Variants in ZNF618 observed in about 807,000 individuals in gnomAD.
The protein encoded by ZNF618 is zinc finger protein 618, also known as neural precursor cell expressed, developmentally down-regulated 10.
In ZNF618, 34 loss-of-function variants were observed where a neutral mutation model predicts 103.0. The observed-to-expected ratio is 0.33, with a 90% confidence interval of 0.25 to 0.44. The LOEUF (loss-of-function observed/expected upper bound fraction) is 0.44, where lower values mean the gene tolerates loss of function less well. Ranked by LOEUF, ZNF618 falls within the 20% of genes least tolerant of loss-of-function variation. ZNF618 has a pLI of 1.00. For synonymous variants in ZNF618, 551 were observed against 542.2 expected, an observed-to-expected ratio of 1.02 and a Z score of -0.23; for missense variants, 1,059 against 1,295.4, an observed-to-expected ratio of 0.82 and a Z score of 2.80.
At chr9:113,955,585 T>C (rs1564213862) in intron 1 of ZNF618, among the ~76,000 whole-genome samples, 1 of 152,122 alleles carries the variant, frequency 6.6e-6, no homozygotes, top group Non-Finnish European at 1.5e-5. Flanking sequence ...TTATAGAGAT[T>C]GTGGTTGGCT....
intron 11 of ZNF618, among the ~76,000 whole-genome samples, chr9:114,031,429 G>A (rs1844022262): frequency 6.6e-6 from 1 of 152,198 alleles, no homozygotes; most frequent in Non-Finnish European, 1.5e-5. Context: ...AGGGGTCGGG[G>A]GGAGGTGGGA....
At chr9:113,899,489 T>G (rs545812119) in intron 1 of ZNF618, among the ~76,000 whole-genome samples, 7 of 152,324 alleles carry the variant, frequency 4.6e-5, no homozygotes, top group African/African-American at 1.7e-4. Flanking sequence ...CACCGTTAGA[T>G]TCTCATAGGA....
chr9:113,963,903 C>A (rs1017612316), intron 1 of ZNF618, among the ~76,000 whole-genome samples: 7 of 152,238 alleles, frequency 4.6e-5, no homozygotes, highest in South Asian at 2.1e-4. Flanking sequence ...CAGCCCCAGT[C>A]CCAGTCCCGT....
At chr9:113,982,615 T>C (rs984056457) in intron 2 of ZNF618, among the ~76,000 whole-genome samples, 1 of 152,128 alleles carries the variant, frequency 6.6e-6, no homozygotes, top group African/African-American at 2.4e-5. Context: ...TGTGGACATA[T>C]CTTTTAGGGG....
chr9:114,035,456 G>A (rs1042674384), intron 12 of ZNF618, among the ~76,000 whole-genome samples: 2 of 152,230 alleles, frequency 1.3e-5, no homozygotes, highest in Non-Finnish European at 2.9e-5. Flanking sequence ...AGCAGCCTTG[G>A]CTCTGCTGCC....
chr9:114,025,267 T>C (rs16911753), intron 10 of ZNF618, among the ~76,000 whole-genome samples: 14,112 of 152,336 alleles, frequency 0.093, 793 homozygotes, highest in African/African-American at 0.15. Context: ...TTGCCTCCAA[T>C]GCAGTTTCAT....
intron 2 of ZNF618, 85 bp from the exon 3 acceptor site, chr9:113,988,236 G>A: frequency 6.7e-7 from 1 of 1,490,788 alleles, no homozygotes; most frequent in Non-Finnish European, 8.9e-7. Flanking sequence ...ACACAGCCTG[G>A]CATGTCCCTG....
rs191251579 is a variant in ZNF618 at position 114,024,614 on chromosome 9, G to A, written c.845-4119G>A. Among the ~76,000 whole-genome samples the A allele has an allele frequency of 1.8e-3, 274 of 152,330 alleles. 2 individuals are homozygous for A. Among genetic ancestry groups the A allele is most frequent in the African/African-American group, 6.1e-3 (255 of 41,570 alleles). On this transcript the variant is annotated intron_variant, in intron 10 of 14. Transcript: ENST00000374126. ...CTTCTAAGGCATGGCCTTTCTGGCCGTTTCTTAGCTGAATGCCTGAAGTAT... is the reference window on the plus strand; with the variant it reads ...CTTCTAAGGCATGGCCTTTCTGGCCATTTCTTAGCTGAATGCCTGAAGTAT...
At chr9:113,982,701 T>G (rs1344046594) in intron 2 of ZNF618, among the ~76,000 whole-genome samples, 3 of 152,182 alleles carry the variant, frequency 2.0e-5, no homozygotes, top group Non-Finnish European at 4.4e-5. Flanking sequence ...GCTGTGTGTA[T>G]TGAAGATGGG....
At chr9:113,957,974 T>G (rs1836472373) in intron 1 of ZNF618, among the ~76,000 whole-genome samples, 1 of 152,112 alleles carries the variant, frequency 6.6e-6, no homozygotes, top group Non-Finnish European at 1.5e-5. Context: ...GAGTTTTCTG[T>G]AAAATCATAA....
intron 1 of ZNF618, among the ~76,000 whole-genome samples, chr9:113,887,344 C>G (rs1829171681): frequency 6.6e-6 from 1 of 152,168 alleles, no homozygotes; most frequent in Non-Finnish European, 1.5e-5. Flanking sequence ...TATCCCTCCC[C>G]TAAACATTAG....
chr9:113,939,671 T>C (rs1271743533), intron 1 of ZNF618, among the ~76,000 whole-genome samples: 1 of 152,130 alleles, frequency 6.6e-6, no homozygotes, highest in East Asian at 1.9e-4. Flanking sequence ...CTATTTCCTC[T>C]TGAGTCAATT....
chr9:113,888,094 A>G (rs547560745), intron 1 of ZNF618, among the ~76,000 whole-genome samples: 2 of 152,160 alleles, frequency 1.3e-5, no homozygotes, highest in Non-Finnish European at 2.9e-5. Flanking sequence ...GGAATTGCCC[A>G]AGGCTACACA....
intron 1 of ZNF618, among the ~76,000 whole-genome samples, chr9:113,877,995 C>T (rs575792733): frequency 4.7e-4 from 72 of 152,064 alleles, no homozygotes; most frequent in Non-Finnish European, 9.6e-4. Flanking sequence ...AGAAAATTTT[C>T]CCTTTTCTGT....
Position 114,050,916 on chromosome 9 carries a change from G to A in ZNF618, c.*749G>A, listed in dbSNP as rs1846093496. 1 of 152,652 alleles carries A rather than the reference G, an allele frequency of 6.6e-6. No individual in the cohort carries two copies. The highest frequency in any genetic ancestry group is 1.5e-5 in the Non-Finnish European group (1 of 68,050). 9.5% of individuals were successfully genotyped at this position (152,652 alleles called of 1,614,324 possible). A position where few individuals can be genotyped will look rare whatever the true frequency, so the allele number is the denominator to read the frequency against. On this transcript the variant is annotated 3_prime_UTR_variant, in exon 15 of 15. Coordinates refer to ENST00000374126, the MANE Select transcript of ZNF618 (RefSeq NM_001318042.2). ...TGGGTGTCCCGGGGCAGCCGCCTTA[G>A]AAACACACCTATCTATCTCCCCAAA...
At chr9:113,969,275 A>G in intron 2 of ZNF618, 115 bp downstream of exon 2, 1 of 1,320,226 alleles carries the variant, frequency 7.6e-7, no homozygotes, top group South Asian at 1.2e-5. Flanking sequence ...GGTCCAGGCC[A>G]GCCCTCCTTG....
chr9:113,988,490 GAGA>G lies in ZNF618; in HGVS notation c.253_255del (p.Lys85del). 1 of 1,613,444 alleles carries G rather than the reference GAGA, an allele frequency of 6.2e-7. No individual in the cohort carries two copies. The highest frequency in any genetic ancestry group is 8.5e-7 in the Non-Finnish European group (1 of 1,179,866). On this transcript the variant is annotated inframe_deletion, in exon 3 of 15. Transcript: ENST00000374126. The stretch of plus-strand genomic sequence containing the variant: ...GATCTGGCAGGGCGAGGCCAAGGAG[GAGA>G]AGAAGGCGGTCAGCAAGGATGGGAC...
At chr9:113,973,078 AAAAAAAAGAG>A in intron 2 of ZNF618, among the ~76,000 whole-genome samples, 1 of 151,950 alleles carries the variant, frequency 6.6e-6, no homozygotes, top group Non-Finnish European at 1.5e-5. Flanking sequence ...CTCTGTCTCA[AAAAAAAAGAG>A]AGAACATTGT....
chr9:114,011,271 A>C (rs1330899596), intron 9 of ZNF618, among the ~76,000 whole-genome samples: 1 of 152,266 alleles, frequency 6.6e-6, no homozygotes, highest in Non-Finnish European at 1.5e-5. Context: ...GAATTAGCAT[A>C]GTCCTTACAC....
Sources: allele counts gnomAD v4.1 joint callset (sites outside exome capture counted in the v4.1 genomes callset), GRCh38; gene constraint gnomAD v4.1.1; transcripts MANE v1.5; gene names NCBI Gene and HGNC (gene_info 2026-07-23, HGNC 2026-07-21).